The following PWWP2B variants were observed in gnomAD, a reference collection of about 807,000 sequenced individuals.
PWWP2B encodes the protein PWWP domain-containing protein 2B.
PWWP2B carries 9 observed loss-of-function variants against 15.5 expected under a neutral mutation model. The observed-to-expected ratio is 0.58, with a 90% CI of 0.35 to 1.02. The LOEUF (loss-of-function observed/expected upper bound fraction) is 1.02, where lower values mean the gene tolerates loss of function less well. Ranked by LOEUF, PWWP2B falls within the 50% of genes least tolerant of loss-of-function variation. The probability of loss-of-function intolerance (pLI) is 0.02; values close to 1 mark genes in which losing one functional copy is unlikely to be tolerated. For missense variants in PWWP2B, 864 were observed against 865.3 expected (o/e 1.00, Z 0.02); for synonymous variants, 474 against 403.6 (o/e 1.17, Z -2.09).
At chr10:132,403,017 A>G (rs2069632889) in intron 1 of PWWP2B, among the ~76,000 whole-genome samples, 1 of 152,232 alleles carries the variant, frequency 6.6e-6, no homozygotes, top group Non-Finnish European at 1.5e-5. Context: ...CTTTCTCGCG[A>G]AAGTCTTAGC....
At position 132,417,156 on chromosome 10, in the gene PWWP2B, T is replaced by A; in HGVS notation, c.*112T>A. On this transcript the variant is annotated 3_prime_UTR_variant, in exon 3 of 3. Transcript: ENST00000305233. The stretch of plus-strand genomic sequence containing the variant: ...CTGGCCGGCTGCGTGCAGAGCCCAC[T>A]GGGCACGGTGGTCGGCCTGGTGTGA... The A allele has an allele frequency of 3.2e-6, 5 of 1,540,538 alleles. No homozygotes were observed. The Admixed American group carries it at 8.4e-5, about 26-fold the overall frequency.
At chr10:132,409,964 G>A (rs1463914200) in intron 2 of PWWP2B, among the ~76,000 whole-genome samples, 1 of 152,160 alleles carries the variant, frequency 6.6e-6, no homozygotes, top group Non-Finnish European at 1.5e-5. Context: ...AGGGGTTGCG[G>A]AGGTGGTCAG....
intron 2 of PWWP2B, among the ~76,000 whole-genome samples, chr10:132,413,166 C>A (rs1441473900): frequency 1.3e-5 from 2 of 152,214 alleles, no homozygotes; most frequent in African/African-American, 4.8e-5. Context: ...ACTTTTGTGT[C>A]TGATGCCGGA....
Position 132,404,057 on chromosome 10 carries a change from TCCA to T in PWWP2B, c.126-568_126-566del, listed in dbSNP as rs1470529990. On this transcript the variant is annotated intron_variant, in intron 1 of 2. Coordinates refer to ENST00000305233, the MANE Select transcript of PWWP2B (RefSeq NM_138499.4). Reference sequence around the variant, plus strand: ...CCAGGGCTCCTGCAGGACGGCATTCTCCAGGGCTCCTGCAGGACGGCATTCTTC... The same window carrying T: ...CCAGGGCTCCTGCAGGACGGCATTCTGGGCTCCTGCAGGACGGCATTCTTC... Among the ~76,000 whole-genome samples the T allele has an allele frequency of 3.5e-3, 215 of 60,808 alleles. 3 individuals are homozygous for T. The highest frequency in any genetic ancestry group is 0.015 in the African/African-American group (160 of 10,866). 39.9% of individuals were successfully genotyped at this position (60,808 alleles called of 152,430 possible).
Position 132,406,139 on chromosome 10 carries a change from T to A in PWWP2B, c.1639T>A (p.Phe547Ile). 1.2e-6 allele frequency: 2 copies of A among 1,613,706 alleles called. No homozygotes were observed. Among genetic ancestry groups the A allele is most frequent in the Non-Finnish European group, 1.7e-6 (2 of 1,180,020 alleles). ...CTTGTCTATTTCAAAACTCTCCCCTTTCTCTGAATTTTTCAAACTGAGATT... is the reference window on the plus strand; with the variant it reads ...CTTGTCTATTTCAAAACTCTCCCCTATCTCTGAATTTTTCAAACTGAGATT... ...SFLSISKLSP[F>I]SEFFKLRFNR... The change falls in exon 2 of 3, where the codon TTC (phenylalanine) becomes ATC (isoleucine). Residue 547 changes from phenylalanine to isoleucine, a missense_variant. Around this residue, in one of 2 missense-constraint regions of PWWP2B, gnomAD observed 128 missense variants for 177.6 expected, o/e 0.72. Transcript: ENST00000305233.
At chr10:132,399,472 T>C (rs746339747) in intron 1 of PWWP2B, among the ~76,000 whole-genome samples, 18 of 152,254 alleles carry the variant, frequency 1.2e-4, no homozygotes, top group Non-Finnish European at 2.4e-4. Flanking sequence ...TCGGCCGGTT[T>C]GGGAGATGGC....
chr10:132,402,023 C>T (rs541239239), intron 1 of PWWP2B, among the ~76,000 whole-genome samples: 189 of 152,366 alleles, frequency 1.2e-3, no homozygotes, highest in African/African-American at 4.5e-3. Context: ...GGCTGCCTGA[C>T]GTGCCAGGGT....
Position 132,404,793 on chromosome 10 carries a change from G to A in PWWP2B, c.293G>A (p.Arg98His), listed in dbSNP as rs764783395. Reference sequence around the variant, plus strand: ...GGGGTTCAGCCCCCCGAGACCACCCGCCCCGAGCCACCCCCGCCCCTCGTG... The same window carrying A: ...GGGGTTCAGCCCCCCGAGACCACCCACCCCGAGCCACCCCCGCCCCTCGTG... ...ARGVQPPETTRPEPPPPLVPP... is the reference protein window; with the variant it reads ...ARGVQPPETTHPEPPPPLVPP... The change falls in exon 2 of 3, where the codon CGC becomes CAC. Residue 98 changes from arginine (R) to histidine (H), a missense_variant. By Grantham distance (29) the Arg-to-His change is conservative (BLOSUM62 0). This residue lies in a region of PWWP2B where 736 missense variants were observed against 687.7 expected (regional missense o/e 1.07). Transcript: ENST00000305233. The A allele has an allele frequency of 1.7e-5, 17 of 1,014,662 alleles. 1 individual carries two copies. Among genetic ancestry groups the A allele is most frequent in the South Asian group, 7.8e-5 (5 of 64,336 alleles). 62.9% of individuals were successfully genotyped at this position (1,014,662 alleles called of 1,614,324 possible).
chr10:132,399,213 C>T (rs575423589), intron 1 of PWWP2B, among the ~76,000 whole-genome samples: 29 of 152,392 alleles, frequency 1.9e-4, no homozygotes, highest in African/African-American at 7.0e-4. Context: ...GCCCTTATCC[C>T]CTGCATGTGA....
chr10:132,414,344 T>G (rs958421594), intron 2 of PWWP2B, among the ~76,000 whole-genome samples: 1 of 152,218 alleles, frequency 6.6e-6, no homozygotes, highest in Non-Finnish European at 1.5e-5. Context: ...TGGGGCTGTG[T>G]GTTTCTTTGC....
intron 1 of PWWP2B, among the ~76,000 whole-genome samples, chr10:132,399,341 G>A (rs2069584018): frequency 6.6e-6 from 1 of 152,258 alleles, no homozygotes; most frequent in Non-Finnish European, 1.5e-5. Flanking sequence ...AACCGGCGCT[G>A]TTGAGCGCAG....
At chr10:132,400,334 G>C (rs924141414) in intron 1 of PWWP2B, among the ~76,000 whole-genome samples, 2 of 152,142 alleles carry the variant, frequency 1.3e-5, no homozygotes, top group Admixed American at 6.5e-5. Flanking sequence ...GTGTGGGGTG[G>C]GGGCCTGGCC....
chr10:132,416,940 G>A, intron 2 of PWWP2B, 121 bp from the exon 3 acceptor site: 1 of 1,001,464 alleles, frequency 1.0e-6, no homozygotes, highest in African/African-American at 1.6e-5. Flanking sequence ...GGGGGCGGTG[G>A]AGGTCCCGGG....
At chr10:132,409,212 G>A (rs915571026) in intron 2 of PWWP2B, among the ~76,000 whole-genome samples, 6 of 152,226 alleles carry the variant, frequency 3.9e-5, no homozygotes, top group South Asian at 2.1e-4. Context: ...GCCTGTGGCC[G>A]CTGCCCTTGG....
chr10:132,400,247 C>T (rs1670383012), intron 1 of PWWP2B, among the ~76,000 whole-genome samples: 1 of 152,144 alleles, frequency 6.6e-6, no homozygotes, highest in African/African-American at 2.4e-5. Context: ...AAGGCCAGGG[C>T]ACCAGGAGGC....
intron 1 of PWWP2B, among the ~76,000 whole-genome samples, chr10:132,401,780 A>G (rs1293424135): frequency 6.6e-6 from 1 of 152,232 alleles, no homozygotes; most frequent in Non-Finnish European, 1.5e-5. Flanking sequence ...CAATCTGCGA[A>G]ATGGGAAGAC....
At chr10:132,414,215 C>T (rs532466173) in intron 2 of PWWP2B, among the ~76,000 whole-genome samples, 31 of 152,354 alleles carry the variant, frequency 2.0e-4, no homozygotes, top group Non-Finnish European at 3.2e-4. Context: ...AGGCTGTCTC[C>T]TCCCAAGGCC....
chr10:132,416,911 G>T, intron 2 of PWWP2B, 150 bp from the exon 3 acceptor site: 2 of 781,354 alleles, frequency 2.6e-6, no homozygotes, highest in South Asian at 3.1e-5. Flanking sequence ...CCTGAGGGAA[G>T]GAGGGCCGGC....
Position 132,404,974 on chromosome 10 carries a change from C to T in PWWP2B, c.474C>T (p.Asn158=). The T allele has an allele frequency of 1.3e-6, 2 of 1,580,812 alleles. No homozygotes were observed. ...IKRTRRRLSR[N]RDPGRLILST... ...GCACGCGGCGGCGTCTGTCCCGCAA[C>T]CGCGACCCGGGGCGCCTCATCCTCA... Residue 158 remains asparagine, a synonymous_variant, in exon 2 of 3, where the codon AAC becomes AAT. Transcript: ENST00000305233.
Sources: allele counts gnomAD v4.1 joint callset (sites outside exome capture counted in the v4.1 genomes callset), GRCh38; gene constraint gnomAD v4.1.1; regional missense constraint gnomAD v4.1.1; transcripts MANE v1.5; gene names NCBI Gene and HGNC (gene_info 2026-07-23, HGNC 2026-07-21).